The following DHRSX variants were observed in gnomAD, a reference collection of about 807,000 sequenced individuals.
The protein encoded by DHRSX is dehydrogenase/reductase X-linked.
DHRSX carries 31 observed loss-of-function variants against 34.0 expected under a neutral mutation model. The ratio of observed to expected loss-of-function variants is 0.91; its 90% CI spans 0.69 to 1.23. DHRSX has a LOEUF of 1.23. Ranked by LOEUF, DHRSX falls within the 50% of genes most tolerant of loss-of-function variation. DHRSX has a pLI of 0.00. For missense variants in DHRSX, 414 were observed against 428.1 expected (o/e 0.97, Z 0.29); for synonymous variants, 201 against 183.8 (o/e 1.09, Z -0.76).
intron 1 of DHRSX, among the ~76,000 whole-genome samples, chrX:2,430,829 A>G (rs1313270538): frequency 6.6e-6 from 1 of 151,752 alleles, no homozygotes; most frequent in Non-Finnish European, 1.5e-5. Context: ...CCTGGGCAAC[A>G]TAGTGAAGCC....
chrX:2,462,289 T>C (rs2044413520), intron 1 of DHRSX, among the ~76,000 whole-genome samples: 1 of 152,014 alleles, frequency 6.6e-6, no homozygotes, highest in Non-Finnish European at 1.5e-5. Context: ...CCAAGAACAA[T>C]GTTTACTTGT....
intron 1 of DHRSX, among the ~76,000 whole-genome samples, chrX:2,437,182 G>A (rs1206675550): frequency 6.6e-6 from 1 of 152,024 alleles, no homozygotes; most frequent in African/African-American, 2.4e-5. Flanking sequence ...TGCATCTTTA[G>A]TAGAGATGGA....
Position 2,382,750 on chromosome X carries a change from TCAC to T in DHRSX, c.286+25992_286+25994del, listed in dbSNP as rs1376761190. ...ATCACCATCATCATCGCCATCATCA[TCAC>T]TATCATCATCATCATCATCACCATC... On this transcript the variant is annotated intron_variant, in intron 3 of 6. Transcript: ENST00000334651. Among the ~76,000 whole-genome samples the T allele has an allele frequency of 3.5e-3, 358 of 101,504 alleles. 5 individuals carry two copies. The highest frequency in any genetic ancestry group is 0.013 in the East Asian group (40 of 3,000). 66.6% of individuals were successfully genotyped at this position (101,504 alleles called of 152,430 possible).
At chrX:2,270,802 A>G (rs2041540898) in intron 4 of DHRSX, among the ~76,000 whole-genome samples, 1 of 152,200 alleles carries the variant, frequency 6.6e-6, no homozygotes, top group Non-Finnish European at 1.5e-5. Context: ...AAAGAATTGT[A>G]AAGGCACCAA....
intron 3 of DHRSX, among the ~76,000 whole-genome samples, chrX:2,375,966 C>T (rs1198724709): frequency 1.5e-5 from 2 of 135,776 alleles, no homozygotes; most frequent in Non-Finnish European, 3.5e-5. Context: ...CAGCATTCCC[C>T]GGACACAAAA....
At chrX:2,482,718 T>G (rs181683979) in intron 1 of DHRSX, among the ~76,000 whole-genome samples, 3 of 152,232 alleles carry the variant, frequency 2.0e-5, no homozygotes, top group East Asian at 1.9e-4. Context: ...ATTCTAGAAA[T>G]CCTGCAGTAA....
At chrX:2,290,458 C>T (rs1243389679) in intron 4 of DHRSX, among the ~76,000 whole-genome samples, 1 of 152,048 alleles carries the variant, frequency 6.6e-6, no homozygotes, top group East Asian at 1.9e-4. Flanking sequence ...AGGGGTTTTG[C>T]AGAATTAAGA....
intron 3 of DHRSX, among the ~76,000 whole-genome samples, chrX:2,295,385 T>G (rs1381433518): frequency 1.3e-5 from 2 of 152,004 alleles, no homozygotes; most frequent in African/African-American, 4.8e-5. Flanking sequence ...TGAGAACACA[T>G]GGACACAGGG....
chrX:2,467,198 C>G (rs373995799), intron 1 of DHRSX, among the ~76,000 whole-genome samples: 1 of 151,960 alleles, frequency 6.6e-6, no homozygotes, highest in Non-Finnish European at 1.5e-5. Flanking sequence ...CAGGACTTCA[C>G]GACGCCAACT....
intron 3 of DHRSX, among the ~76,000 whole-genome samples, chrX:2,321,290 A>T (rs1032344778): frequency 6.6e-6 from 1 of 152,128 alleles, no homozygotes; most frequent in African/African-American, 2.4e-5. Context: ...AGGACATCGA[A>T]TGTGTAACGC....
intron 3 of DHRSX, among the ~76,000 whole-genome samples, chrX:2,312,643 C>T (rs1180222851): frequency 6.6e-6 from 1 of 152,058 alleles, no homozygotes; most frequent in Non-Finnish European, 1.5e-5. Flanking sequence ...TGGCAGCAAA[C>T]TACCATGGCA....
At chrX:2,321,604 A>G (rs2042312485) in intron 3 of DHRSX, among the ~76,000 whole-genome samples, 1 of 151,888 alleles carries the variant, frequency 6.6e-6, no homozygotes, top group South Asian at 2.1e-4. Context: ...GCCCTGCGAG[A>G]CCATCTGTAA....
chrX:2,347,159 C>A (rs1040115139), intron 3 of DHRSX, among the ~76,000 whole-genome samples: 1 of 152,168 alleles, frequency 6.6e-6, no homozygotes, highest in Non-Finnish European at 1.5e-5. Flanking sequence ...AAAGGTTTAA[C>A]TGGACTTACA....
intron 3 of DHRSX, among the ~76,000 whole-genome samples, chrX:2,298,601 TACACACACACACACACACACAC>T (rs747078260): frequency 1.4e-4 from 18 of 131,752 alleles, no homozygotes; most frequent in Admixed American, 9.7e-4. Flanking sequence ...GGCGCGTGTG[TACACACACACACACACACACAC>T]ACACACACAC....
At chrX:2,472,105 A>T (rs1248335466) in intron 1 of DHRSX, among the ~76,000 whole-genome samples, 1 of 150,424 alleles carries the variant, frequency 6.6e-6, no homozygotes, top group Non-Finnish European at 1.5e-5. Context: ...AGATCACACC[A>T]TTGCACTCCA....
intron 1 of DHRSX, among the ~76,000 whole-genome samples, chrX:2,431,109 A>AGG (rs986028912): frequency 3.2e-4 from 48 of 151,840 alleles, no homozygotes; most frequent in African/African-American, 1.2e-3. Context: ...GTGGATCACG[A>AGG]GGTCAGGAGA....
intron 3 of DHRSX, among the ~76,000 whole-genome samples, chrX:2,326,795 C>A (rs1484244691): frequency 6.8e-6 from 1 of 147,464 alleles, no homozygotes; most frequent in Non-Finnish European, 1.5e-5. Context: ...GGGAAATCTT[C>A]TATTTCAGTT....
chrX:2,485,458 T>C (rs202067313), intron 1 of DHRSX, among the ~76,000 whole-genome samples: 1 of 128,282 alleles, frequency 7.8e-6, no homozygotes, highest in Admixed American at 7.3e-5. Context: ...TTGGGGGCCA[T>C]TGTTTTCTCA....
At chrX:2,450,488 C>T (rs758537820) in intron 1 of DHRSX, among the ~76,000 whole-genome samples, 2 of 152,086 alleles carry the variant, frequency 1.3e-5, no homozygotes, top group East Asian at 3.9e-4. Flanking sequence ...TAGATAGTAT[C>T]GGACATGCTG....
Sources: allele counts gnomAD v4.1 joint callset (sites outside exome capture counted in the v4.1 genomes callset), GRCh38; gene constraint gnomAD v4.1.1; transcripts MANE v1.5; gene names NCBI Gene and HGNC (gene_info 2026-07-23, HGNC 2026-07-21).